PYHIN1: variants seen among roughly 807,000 people sequenced by gnomAD.
The protein encoded by PYHIN1 is pyrin and HIN domain-containing protein 1.
In PYHIN1, 32 loss-of-function variants were observed where a neutral mutation model predicts 43.7. That is an observed-to-expected ratio of 0.73 (90% CI 0.55 to 0.98). The LOEUF (loss-of-function observed/expected upper bound fraction) is 0.98. Among genes scored for constraint, PYHIN1 ranks in the 50% least tolerant of loss-of-function variants. The pLI is 0.00. For missense variants in PYHIN1, 588 were observed against 589.5 expected (o/e 1.00, Z 0.03); for synonymous variants, 205 against 203.1 (o/e 1.01, Z -0.08).
chr1:158,932,847 A>G (rs927535309), intron 1 of PYHIN1, among the ~76,000 whole-genome samples: 1 of 152,176 alleles, frequency 6.6e-6, no homozygotes, highest in Non-Finnish European at 1.5e-5. Flanking sequence ...GGCAATGTAT[A>G]GGGGAGAGGC....
chr1:158,955,941 A>T lies in PYHIN1; in HGVS notation c.1359+10899A>T, dbSNP rs1387923704. Among the ~76,000 whole-genome samples the T allele has an allele frequency of 1.9e-4, 24 of 125,280 alleles. 1 individual carries two copies. The highest frequency in any genetic ancestry group is 6.9e-4 in the African/African-American group (24 of 34,748). 82.2% of individuals were successfully genotyped at this position (125,280 alleles called of 152,430 possible). A position where few individuals can be genotyped will look rare whatever the true frequency, so the allele number is the denominator to read the frequency against. On this transcript the variant is annotated intron_variant, in intron 7 of 8. Transcript: ENST00000368140. ...GGGATATCACCACCGATCCCACAGA[A>T]ATACAAACTACCATCAGAGAATACT...
chr1:158,936,156 C>T (rs1648527143), intron 1 of PYHIN1, among the ~76,000 whole-genome samples: 1 of 137,930 alleles, frequency 7.3e-6, no homozygotes, highest in South Asian at 2.4e-4. Context: ...GTGTGCTGCA[C>T]CCATTAACTC....
At chr1:158,932,630 A>C (rs913350652) in intron 1 of PYHIN1, among the ~76,000 whole-genome samples, 1 of 152,250 alleles carries the variant, frequency 6.6e-6, no homozygotes, top group Non-Finnish European at 1.5e-5. Context: ...ATTATTCTAC[A>C]AGTGCAAACA....
intron 7 of PYHIN1, among the ~76,000 whole-genome samples, chr1:158,947,471 T>C (rs1456209908): frequency 6.6e-6 from 1 of 152,236 alleles, no homozygotes; most frequent in African/African-American, 2.4e-5. Context: ...ATTGCTTCCT[T>C]TGCTGGGATC....
chr1:158,941,932 T>C, intron 4 of PYHIN1, 45 bp from the exon 5 acceptor site: 3 of 1,519,342 alleles, frequency 2.0e-6, no homozygotes, highest in Non-Finnish European at 2.6e-6. Flanking sequence ...TCTGTATTCC[T>C]CACTCAAAAA....
chr1:158,942,179 G>C lies in PYHIN1; in HGVS notation c.782G>C (p.Arg261Thr). Residue 261 changes from arginine to threonine, a missense_variant, in exon 5 of 9, where the codon AGG becomes ACG. By Grantham distance (71) the Arg-to-Thr change is moderately conservative (BLOSUM62 -1). Transcript: ENST00000368140. ...AAGGTTTTAAACATCAACTTGAAGA[G>C]GAAATTCATTAAAAAGAGAATCATC... is the stretch of plus-strand genomic sequence containing the variant. ...HVKVLNINLKRKFIKKRIIII... is the reference protein window; with the variant it reads ...HVKVLNINLKTKFIKKRIIII... The C allele has an allele frequency of 6.2e-7, 1 of 1,614,028 alleles. No individual in the cohort carries two copies. The highest frequency in any genetic ancestry group is 8.5e-7 in the Non-Finnish European group (1 of 1,179,928).
chr1:158,952,336 A>G (rs372846436), intron 7 of PYHIN1, among the ~76,000 whole-genome samples: 2 of 151,222 alleles, frequency 1.3e-5, no homozygotes, highest in Non-Finnish European at 2.9e-5. Context: ...GCTTGGCCGC[A>G]CAACTCTGGC....
intron 7 of PYHIN1, among the ~76,000 whole-genome samples, chr1:158,971,027 G>C (rs78465237): frequency 0.067 from 10,194 of 151,984 alleles, 417 homozygotes; most frequent in Admixed American, 0.11. Context: ...CAGTGAGAGA[G>C]AGTAGATATT....
chr1:158,939,548 C>T, intron 4 of PYHIN1: 1 of 1,540,890 alleles, frequency 6.5e-7, no homozygotes, highest in Non-Finnish European at 8.8e-7. Context: ...ACACCCATTC[C>T]CTTTGCTCAC....
chr1:158,938,558 A>T lies in PYHIN1; in HGVS notation c.411+16A>T. 1 of 1,613,322 alleles carries T rather than the reference A, an allele frequency of 6.2e-7. No homozygotes were observed. ...TGGACCTCAGGTAAGCTTCAGGAAGAGGAGCAGGCTTCAAGTCTCACAGTG... is the reference window on the plus strand; with the variant it reads ...TGGACCTCAGGTAAGCTTCAGGAAGTGGAGCAGGCTTCAAGTCTCACAGTG... On this transcript the variant is annotated intron_variant, in intron 3 of 8. Coordinates refer to ENST00000368140, the MANE Select transcript of PYHIN1 (RefSeq NM_152501.5).
At chr1:158,964,665 TC>T (rs1177196626) in intron 7 of PYHIN1, among the ~76,000 whole-genome samples, 1 of 151,822 alleles carries the variant, frequency 6.6e-6, no homozygotes, top group African/African-American at 2.4e-5. Context: ...AGAAATGAGA[TC>T]CTTTTCAGAC....
At chr1:158,944,347 T>C (rs1649100751) in intron 6 of PYHIN1, among the ~76,000 whole-genome samples, 2 of 152,194 alleles carry the variant, frequency 1.3e-5, no homozygotes, top group African/African-American at 4.8e-5. Context: ...CCTCACACAA[T>C]TGGTTTGAAA....
chr1:158,976,821 G>T lies in PYHIN1; in HGVS notation c.*126G>T. On this transcript the variant is annotated 3_prime_UTR_variant, in exon 9 of 9. Transcript: ENST00000368140. ...TTGGTAATGATGTTTATGAAGATAA[G>T]ATCAAAGCACAGAAAATAATATATG... The T allele has an allele frequency of 1.4e-6, 1 of 729,250 alleles. No individual in the cohort carries two copies. The highest frequency in any genetic ancestry group is 2.3e-6 in the Non-Finnish European group (1 of 432,472). The allele number at this position is 729,250 out of a possible 1,614,324, so 45.2% of individuals were successfully genotyped here.
In PYHIN1 at chr1:158,943,782, TG is replaced by T. The variant is rs1161747640; in HGVS notation, c.1003-7del. On this transcript the variant is annotated splice_polypyrimidine_tract_variant and splice_region_variant and intron_variant, in intron 5 of 8. Transcript: ENST00000368140. ...TCTCACAAACATGATATTAATTTTT[TG>T]TTGCAGAAAATTGTAAATAGGAAGA... The T allele has an allele frequency of 6.3e-7, 1 of 1,590,618 alleles. No homozygotes were observed. The highest frequency in any genetic ancestry group is 1.3e-5 in the African/African-American group (1 of 74,222).
chr1:158,954,564 C>T (rs1040823884), intron 7 of PYHIN1, among the ~76,000 whole-genome samples: 1 of 151,562 alleles, frequency 6.6e-6, no homozygotes, highest in African/African-American at 2.4e-5. Context: ...GAGATTTTGT[C>T]ACCACCAGGC....
rs548500571 is a variant in PYHIN1 at position 158,972,565 on chromosome 1, G to C, written c.1360-1082G>C. On this transcript the variant is annotated intron_variant, in intron 7 of 8. Coordinates refer to ENST00000368140, the MANE Select transcript of PYHIN1 (RefSeq NM_152501.5). ...CACAAAGATGAAGAAATACAAGAGT[G>C]TGTTCCTCTCTTACATTTCATTGTT... Among the ~76,000 whole-genome samples the C allele has an allele frequency of 9.2e-5, 14 of 152,022 alleles. No individual in the cohort carries two copies. In the South Asian group the frequency reaches 2.9e-3, roughly 32 times the overall value.
At chr1:158,955,350 A>C (rs1649850961) in intron 7 of PYHIN1, among the ~76,000 whole-genome samples, 1 of 150,462 alleles carries the variant, frequency 6.6e-6, no homozygotes. Context: ...ACATACTTGG[A>C]AGTAAAGCTC....
Position 158,943,964 on chromosome 1 carries a change from CAT to C in PYHIN1, c.1179_1180del (p.His393GlnfsTer15). 1.2e-6 allele frequency: 2 copies of C among 1,600,988 alleles called. No homozygotes were observed. The highest frequency in any genetic ancestry group is 1.7e-5 in the Admixed American group (1 of 59,402). The stretch of plus-strand genomic sequence containing the variant: ...TATGTCAAAACTGATGTCAGAAATG[CAT>C]AGTTTCATCCAGGTGAGAAATAAAG... ...ENMSKLMSEM[H>X]SFIQIQKNTN... On this transcript the variant is annotated frameshift_variant, in exon 6 of 9. Coordinates refer to ENST00000368140, the MANE Select transcript of PYHIN1 (RefSeq NM_152501.5). LOFTEE classifies it high-confidence loss of function.
At chr1:158,970,621 G>A (rs187823330) in intron 7 of PYHIN1, among the ~76,000 whole-genome samples, 1 of 151,956 alleles carries the variant, frequency 6.6e-6, no homozygotes, top group African/African-American at 2.4e-5. Context: ...TTTGGTAGAA[G>A]GGAATAGAGA....
Sources: gnomAD v4.1 joint callset for allele counts (sites outside exome capture counted in the v4.1 genomes callset) on GRCh38, gnomAD v4.1.1 for gene constraint, MANE v1.5 for transcripts, NCBI Gene and HGNC (gene_info 2026-07-23, HGNC 2026-07-21) for gene names.